Variants in FGR observed in about 807,000 individuals in gnomAD.
FGR encodes tyrosine-protein kinase Fgr.
A neutral mutation model predicts 63.2 loss-of-function variants in FGR; 26 were observed. The observed-to-expected ratio is 0.41, with a 90% confidence interval of 0.30 to 0.57. The LOEUF (loss-of-function observed/expected upper bound fraction) is 0.57. Among genes scored for constraint, FGR ranks in the 20% least tolerant of loss-of-function variants. FGR has a pLI of 0.27. For synonymous variants in FGR, 286 were observed against 277.7 expected, an observed-to-expected ratio of 1.03 and a Z score of -0.30; for missense variants, 511 against 690.8, an observed-to-expected ratio of 0.74 and a Z score of 2.92.
chr1:27,620,991 C>CAAAAAAAAAAAAAAAAAAAAAAAAAAA (rs59265327), intron 5 of FGR, among the ~76,000 whole-genome samples: 1 of 22,036 alleles, frequency 4.5e-5, no homozygotes, highest in African/African-American at 1.1e-4. Flanking sequence ...GACCCTGTCT[C>CAAAAAAAAAAAAAAAAAAAAAAAAAAA]AAAAAAAAAA....
chr1:27,619,423 T>G (rs1161421418), intron 5 of FGR, among the ~76,000 whole-genome samples: 1 of 152,160 alleles, frequency 6.6e-6, no homozygotes, highest in Non-Finnish European at 1.5e-5. Flanking sequence ...ACTCCTGACC[T>G]CATGTGATCC....
At chr1:27,619,948 G>A (rs2089889214) in intron 5 of FGR, among the ~76,000 whole-genome samples, 1 of 152,112 alleles carries the variant, frequency 6.6e-6, no homozygotes, top group Non-Finnish European at 1.5e-5. Context: ...TCTCATATAT[G>A]TATGACATTT....
chr1:27,613,993 T>C (rs1364792913), intron 11 of FGR, among the ~76,000 whole-genome samples: 1 of 152,206 alleles, frequency 6.6e-6, no homozygotes, highest in Non-Finnish European at 1.5e-5. Flanking sequence ...AGACTCATTT[T>C]ACAGACGAGG....
rs536321858 is a variant in FGR, at chr1:27,626,154, C to T, written c.-76-1003G>A. Reference sequence around the variant, plus strand: ...CAATGAGCCAACCCTTTTCTGGCAGCGGTATCCTCTGAGCAACAGGGCAGG... The same window carrying T: ...CAATGAGCCAACCCTTTTCTGGCAGTGGTATCCTCTGAGCAACAGGGCAGG... On this transcript the variant is annotated intron_variant, in intron 1 of 12. Transcript: ENST00000374005. 17 of 398,686 alleles carry T rather than the reference C, an allele frequency of 4.3e-5. No individual in the cohort carries two copies. In the South Asian group the frequency reaches 8.9e-4, roughly 21 times the overall value. The allele number at this position is 398,686 out of a possible 1,614,324, so 24.7% of individuals were successfully genotyped here.
In FGR at chr1:27,623,622, C is replaced by T. The variant is rs778060821; in HGVS notation, c.226+69G>A. 21 of 1,525,010 alleles carry T rather than the reference C, an allele frequency of 1.4e-5. 1 individual carries two copies. In the Admixed American group the frequency reaches 3.5e-4, roughly 26 times the overall value. 94.5% of individuals were successfully genotyped at this position (1,525,010 alleles called of 1,614,324 possible). ...CTGGAGGCTCCTAAGGGCAAGTTCG[C>T]ATCTCTTCTTCTTCCCTCAGTTTCT... On this transcript the variant is annotated intron_variant, in intron 3 of 12. Coordinates refer to ENST00000374005, the MANE Select transcript of FGR (RefSeq NM_005248.3).
chr1:27,613,463 G>C, intron 11 of FGR, 113 bp from the exon 12 acceptor site: 1 of 1,228,438 alleles, frequency 8.1e-7, no homozygotes, highest in Non-Finnish European at 1.1e-6. Context: ...AGCACTTTGG[G>C]AGGCCAAGGC....
intron 3 of FGR, 179 bp downstream of exon 3, chr1:27,623,512 C>T (rs2089966662): frequency 2.8e-6 from 2 of 704,138 alleles, no homozygotes; most frequent in Non-Finnish European, 5.1e-6. Flanking sequence ...CCCTCCCCTG[C>T]AGACTGTGGT....
intron 5 of FGR, among the ~76,000 whole-genome samples, chr1:27,621,016 A>AAAAAAAAG (rs2089912922): frequency 7.7e-6 from 1 of 129,796 alleles, no homozygotes; most frequent in Non-Finnish European, 1.7e-5. Flanking sequence ...AAAAAAAAAA[A>AAAAAAAAG]AAAGAAAGAA....
rs2089837191 is a variant in FGR at position 27,617,483 on chromosome 1, G to A, written c.429-187C>T. The stretch of plus-strand genomic sequence containing the variant: ...GTGTAAAATGCCTGGCACACAGTAG[G>A]TGCCCTGCAAAGGTTAGCATCTCTT... On this transcript the variant is annotated intron_variant, in intron 5 of 12. Coordinates refer to ENST00000374005, the MANE Select transcript of FGR (RefSeq NM_005248.3). The surrounding 1 kb of genome is among the most constrained non-coding windows in gnomAD (Gnocchi z 4.5). Among the ~76,000 whole-genome samples the A allele has an allele frequency of 6.6e-6, 1 of 152,172 alleles. No individual in the cohort carries two copies. The highest frequency in any genetic ancestry group is 2.4e-5 in the African/African-American group (1 of 41,434).
At chr1:27,633,296 T>C (rs2090132387) in intron 1 of FGR, among the ~76,000 whole-genome samples, 1 of 152,138 alleles carries the variant, frequency 6.6e-6, no homozygotes, top group Admixed American at 6.5e-5. Context: ...CAAACCTCCA[T>C]CTTCCCATCT....
rs1352065017 is a variant in FGR at position 27,623,817 on chromosome 1, A to G, written c.100T>C (p.Tyr34His). Residue 34 changes from tyrosine to histidine, a missense_variant, in exon 3 of 13, where the codon TAT becomes CAT. Tyr to His is a moderately conservative substitution (Grantham distance 83). Transcript: ENST00000374005. ...DFRSYGAADH[Y>H]GPDPTKARPA... is the part of the protein sequence containing the mutation. ...CGGGCCTTAGTGGGGTCAGGCCCAT[A>G]GTGGTCTGCTGCCCCGTAGCTTCTG... 2 of 1,614,100 alleles carry G rather than the reference A, an allele frequency of 1.2e-6. No individual in the cohort carries two copies. Among genetic ancestry groups the G allele is most frequent in the Admixed American group, 3.3e-5 (2 of 60,004 alleles).
chr1:27,629,210 A>T (rs915433575), intron 1 of FGR, among the ~76,000 whole-genome samples: 1 of 152,066 alleles, frequency 6.6e-6, no homozygotes, highest in Non-Finnish European at 1.5e-5. Flanking sequence ...TGACTCTCAA[A>T]AAAAGAAAAG....
chr1:27,631,839 G>C (rs2090109659), intron 1 of FGR, among the ~76,000 whole-genome samples: 3 of 152,234 alleles, frequency 2.0e-5, no homozygotes, highest in Middle Eastern at 3.4e-3. Flanking sequence ...GGGACTTTGG[G>C]CAGGGGCAGG....
intron 1 of FGR, among the ~76,000 whole-genome samples, chr1:27,632,697 C>T (rs545117377): frequency 1.9e-4 from 29 of 152,184 alleles, no homozygotes; most frequent in Non-Finnish European, 3.5e-4. Context: ...TCTTTAGATG[C>T]CATCTGGCCT....
At chr1:27,627,894 C>T (rs2090046327) in intron 1 of FGR, among the ~76,000 whole-genome samples, 1 of 152,132 alleles carries the variant, frequency 6.6e-6, no homozygotes, top group Admixed American at 6.5e-5. Context: ...CAGGGGTGAG[C>T]CACTGCACCT....
At chr1:27,627,809 A>G (rs1048778539) in intron 1 of FGR, among the ~76,000 whole-genome samples, 3 of 152,052 alleles carry the variant, frequency 2.0e-5, no homozygotes, top group African/African-American at 7.2e-5. Context: ...GGTTTTCACT[A>G]TGTTGGCCAG....
At chr1:27,624,004 G>A in intron 2 of FGR, 75 bp from the exon 3 acceptor site, 1 of 1,208,712 alleles carries the variant, frequency 8.3e-7, no homozygotes, top group Non-Finnish European at 1.2e-6. Flanking sequence ...GCATGCACAT[G>A]CTCATACGCT....
At position 27,614,445 on chromosome 1, in the gene FGR, A is replaced by G; in HGVS notation, c.1234T>C (p.Tyr412His). ...GLARLIKDDE[Y>H]NPCQGSKFPI... is the part of the protein sequence containing the mutation. ...AGCAGGGCACCTTGGCAGGGGTTGT[A>G]CTCATCGTCCTTGATGAGACGCGCC... The change falls in exon 11 of 13, where the codon TAC (tyrosine) becomes CAC (histidine). Residue 412 changes from tyrosine to histidine, a missense_variant. Coordinates refer to ENST00000374005, the MANE Select transcript of FGR (RefSeq NM_005248.3). The G allele has an allele frequency of 6.2e-7, 1 of 1,613,276 alleles. No homozygotes were observed. The highest frequency in any genetic ancestry group is 8.5e-7 in the Non-Finnish European group (1 of 1,179,648).
intron 11 of FGR, 63 bp downstream of exon 11, chr1:27,614,367 G>T (rs1230659976): frequency 6.4e-7 from 1 of 1,557,900 alleles, no homozygotes; most frequent in Admixed American, 1.8e-5. Flanking sequence ...CTGAGTGCGT[G>T]GGGCCCCATG....
Sources: allele counts gnomAD v4.1 joint callset (sites outside exome capture counted in the v4.1 genomes callset), GRCh38; gene constraint gnomAD v4.1.1; non-coding constraint Gnocchi (gnomAD v3.1); transcripts MANE v1.5; gene names NCBI Gene and HGNC (gene_info 2026-07-23, HGNC 2026-07-21).